The following SEMA3E variants were observed in gnomAD, a reference collection of about 807,000 sequenced individuals.
The protein encoded by SEMA3E is semaphorin 3E.
In SEMA3E, 49 loss-of-function variants were observed where a neutral mutation model predicts 93.6. The observed-to-expected ratio is 0.52, with a 90% CI of 0.42 to 0.66. The LOEUF (loss-of-function observed/expected upper bound fraction) is 0.66. Ranked by LOEUF, SEMA3E falls within the 30% of genes least tolerant of loss-of-function variation. The pLI is 0.00. For missense variants in SEMA3E, 906 were observed against 964.8 expected (o/e 0.94, Z 0.81); for synonymous variants, 363 against 330.7 (o/e 1.10, Z -1.06).
chr7:83,633,916 G>A (rs953099234), intron 1 of SEMA3E, among the ~76,000 whole-genome samples: 1 of 152,158 alleles, frequency 6.6e-6, no homozygotes, highest in African/African-American at 2.4e-5. Flanking sequence ...TTCACAGGGA[G>A]ATCACTCCCT....
At chr7:83,561,860 T>A (rs1263308530) in intron 1 of SEMA3E, among the ~76,000 whole-genome samples, 2 of 152,158 alleles carry the variant, frequency 1.3e-5, no homozygotes, top group Non-Finnish European at 2.9e-5. Flanking sequence ...TTAGCTTAGA[T>A]GAGTGTGAAA....
intron 1 of SEMA3E, among the ~76,000 whole-genome samples, chr7:83,493,239 G>C (rs1008949424): frequency 6.6e-6 from 1 of 152,006 alleles, no homozygotes; most frequent in Admixed American, 6.6e-5. Flanking sequence ...CAAAGGGAGG[G>C]AGTGGTGAAT....
chr7:83,562,569 C>T (rs956444668), intron 1 of SEMA3E, among the ~76,000 whole-genome samples: 4 of 151,540 alleles, frequency 2.6e-5, no homozygotes, highest in African/African-American at 9.7e-5. Context: ...TAATATCCTC[C>T]CCTAGCTATT....
At chr7:83,536,935 G>A (rs1214362436) in intron 1 of SEMA3E, among the ~76,000 whole-genome samples, 1 of 151,990 alleles carries the variant, frequency 6.6e-6, no homozygotes, top group Admixed American at 6.6e-5. Context: ...TTGGAGAAAG[G>A]GCTTTTAGAA....
chr7:83,396,835 T>C (rs889165443), intron 11 of SEMA3E, 106 bp from the exon 12 acceptor site: 14 of 744,662 alleles, frequency 1.9e-5, no homozygotes, highest in Admixed American at 4.1e-5. Flanking sequence ...TGTAATCACT[T>C]TGGGAGGCCA....
intron 1 of SEMA3E, among the ~76,000 whole-genome samples, chr7:83,565,485 A>C (rs1290484522): frequency 1.3e-5 from 2 of 152,194 alleles, no homozygotes; most frequent in Non-Finnish European, 2.9e-5. Context: ...ACAAACCTGC[A>C]CATTCTGCAC....
At chr7:83,500,782 G>T (rs1251269850) in intron 1 of SEMA3E, among the ~76,000 whole-genome samples, 1 of 151,474 alleles carries the variant, frequency 6.6e-6, no homozygotes, top group Non-Finnish European at 1.5e-5. Flanking sequence ...GTAGAGATGG[G>T]GTTTCACCAT....
chr7:83,589,156 A>G (rs1792700003), intron 1 of SEMA3E, among the ~76,000 whole-genome samples: 1 of 152,002 alleles, frequency 6.6e-6, no homozygotes, highest in African/African-American at 2.4e-5. Context: ...TTATAATTTG[A>G]CTCCATCTTT....
At chr7:83,528,002 A>G (rs945151378) in intron 1 of SEMA3E, among the ~76,000 whole-genome samples, 8 of 152,088 alleles carry the variant, frequency 5.3e-5, no homozygotes, top group Non-Finnish European at 1.0e-4. Flanking sequence ...ACCCATGTCT[A>G]TACATATAAT....
intron 1 of SEMA3E, among the ~76,000 whole-genome samples, chr7:83,537,553 G>C (rs933750802): frequency 1.3e-5 from 2 of 152,166 alleles, no homozygotes; most frequent in East Asian, 3.9e-4. Flanking sequence ...GGACAGCAAA[G>C]AATGAATGTC....
At chr7:83,401,562 G>A (rs994224147) in intron 10 of SEMA3E, among the ~76,000 whole-genome samples, 1 of 151,944 alleles carries the variant, frequency 6.6e-6, no homozygotes, top group Non-Finnish European at 1.5e-5. Context: ...CAGGAGTAGG[G>A]TTTCTCCATT....
At chr7:83,462,667 C>G (rs1314220218) in intron 4 of SEMA3E, among the ~76,000 whole-genome samples, 1 of 151,602 alleles carries the variant, frequency 6.6e-6, no homozygotes, top group East Asian at 1.9e-4. Flanking sequence ...TCCCGCAGCA[C>G]GCTTTAAAAA....
At chr7:83,644,197 C>A (rs1332878755) in intron 1 of SEMA3E, among the ~76,000 whole-genome samples, 4 of 148,278 alleles carry the variant, frequency 2.7e-5, no homozygotes, top group Admixed American at 6.7e-5. Context: ...TACACTACAG[C>A]AAAAAAAAAA....
chr7:83,539,086 G>C (rs1791465157), intron 1 of SEMA3E, among the ~76,000 whole-genome samples: 1 of 152,120 alleles, frequency 6.6e-6, no homozygotes, highest in African/African-American at 2.4e-5. Flanking sequence ...CCACAGAATG[G>C]TTTTGTTTGG....
intron 4 of SEMA3E, among the ~76,000 whole-genome samples, chr7:83,452,133 GTGTGTGTGTGTGTGTC>G (rs1282349449): frequency 4.6e-5 from 1 of 21,840 alleles, no homozygotes; most frequent in Non-Finnish European, 1.9e-4. Flanking sequence ...GTGTATGTAT[GTGTGTGTGTGTGTGTC>G]TGTGTGTGTG....
At position 83,368,029 on chromosome 7, in the gene SEMA3E, C is replaced by A; in HGVS notation, c.1885G>T (p.Asp629Tyr). The A allele has an allele frequency of 6.2e-7, 1 of 1,613,896 alleles. No homozygotes were observed. The highest frequency in any genetic ancestry group is 8.5e-7 in the Non-Finnish European group (1 of 1,179,960). ...AGGTCCATCTTAACCACTCTGTCAT[C>A]TGTCTTCACCTGCAAAAACAAAAAA... ...RETRKEEVKT[D>Y]DRVVKMDLGL... Residue 629 changes from aspartate (D) to tyrosine (Y), a missense_variant, in exon 17 of 17, where the codon GAT (aspartate) becomes TAT (tyrosine). Physicochemically the swap from Asp to Tyr is radical, Grantham distance 160. Transcript: ENST00000643230.
At position 83,471,542 on chromosome 7, in the gene SEMA3E, G is replaced by A. The variant is rs530676035; in HGVS notation, c.277-2240C>T. On this transcript the variant is annotated intron_variant, in intron 2 of 16. Transcript: ENST00000643230. ...GGTAACTTTATGGAGGTGGAAGCTGGGTTAGTTCATGCTAGGTGGCTGTAG... is the reference window on the plus strand; with the variant it reads ...GGTAACTTTATGGAGGTGGAAGCTGAGTTAGTTCATGCTAGGTGGCTGTAG... 2.0e-5 allele frequency among the ~76,000 whole-genome samples: 3 copies of A among 150,584 alleles called. No homozygotes were observed. The South Asian group carries it at 6.2e-4, about 31-fold the overall frequency.
chr7:83,505,141 CT>C (rs1470131251), intron 1 of SEMA3E, among the ~76,000 whole-genome samples: 2 of 152,028 alleles, frequency 1.3e-5, no homozygotes, highest in Non-Finnish European at 2.9e-5. Flanking sequence ...ATAATATTTA[CT>C]TTTAATAAAA....
rs215251 is a variant in SEMA3E, at chr7:83,625,347, T to A, written c.115+23081A>T. On this transcript the variant is annotated intron_variant, in intron 1 of 16. Transcript: ENST00000643230. ...CCATTATCATGATATTGATTCCTCC[T>A]ATCCATGAGCATGGAATGTTTTTCC... Among the ~76,000 whole-genome samples, 443 of 152,320 alleles carry A rather than the reference T, an allele frequency of 2.9e-3. 2 individuals are homozygous for A. Among genetic ancestry groups the A allele is most frequent in the African/African-American group, 0.01 (424 of 41,576 alleles).
Sources: allele counts gnomAD v4.1 joint callset (sites outside exome capture counted in the v4.1 genomes callset), GRCh38; gene constraint gnomAD v4.1.1; transcripts MANE v1.5; gene names NCBI Gene and HGNC (gene_info 2026-07-23, HGNC 2026-07-21).